TRIM44: variants seen among roughly 807,000 people sequenced by gnomAD.
TRIM44 encodes tripartite motif-containing protein 44.
Under a neutral mutation model 37.4 loss-of-function variants are expected in TRIM44, and 13 were observed. The observed-to-expected ratio is 0.35, with a 90% CI of 0.23 to 0.55. The LOEUF (loss-of-function observed/expected upper bound fraction) is 0.55. Among genes scored for constraint, TRIM44 ranks in the 20% least tolerant of loss-of-function variants. The pLI is 0.89. For synonymous variants in TRIM44, 175 were observed against 157.2 expected (o/e 1.11, Z -0.85); for missense variants, 426 against 437.2 (o/e 0.97, Z 0.23).
intron 4 of TRIM44, among the ~76,000 whole-genome samples, chr11:35,768,310 G>A (rs1392633208): frequency 6.6e-6 from 1 of 152,202 alleles, no homozygotes; most frequent in East Asian, 1.9e-4. Flanking sequence ...GCTGTACAAG[G>A]TAGGTGGGAT....
chr11:35,747,024 C>T (rs1852500807), intron 4 of TRIM44, among the ~76,000 whole-genome samples: 1 of 152,104 alleles, frequency 6.6e-6, no homozygotes, highest in South Asian at 2.1e-4. Flanking sequence ...AAAAACAGTG[C>T]AAAGAGGGAG....
chr11:35,726,676 G>T (rs1379298457), intron 3 of TRIM44, among the ~76,000 whole-genome samples: 1 of 62,786 alleles, frequency 1.6e-5, no homozygotes, highest in Non-Finnish European at 2.7e-5. Flanking sequence ...CTAGGGCATT[G>T]TAAGATTAAA....
At chr11:35,684,539 A>G (rs1851552613) in intron 1 of TRIM44, among the ~76,000 whole-genome samples, 1 of 152,228 alleles carries the variant, frequency 6.6e-6, no homozygotes, top group African/African-American at 2.4e-5. Flanking sequence ...TAGGCCCCAA[A>G]ATAGCCCAGT....
intron 2 of TRIM44, among the ~76,000 whole-genome samples, chr11:35,701,883 A>G (rs897605223): frequency 2.0e-5 from 3 of 152,200 alleles, no homozygotes; most frequent in African/African-American, 7.2e-5. Flanking sequence ...CTGACTGGTA[A>G]GTAGTTCTTA....
chr11:35,795,834 G>T (rs1452872017), intron 4 of TRIM44, among the ~76,000 whole-genome samples: 1 of 152,120 alleles, frequency 6.6e-6, no homozygotes, highest in Non-Finnish European at 1.5e-5. Flanking sequence ...CTTAGTCTTG[G>T]TTTCTTCATA....
intron 2 of TRIM44, among the ~76,000 whole-genome samples, chr11:35,715,584 A>T (rs1336173493): frequency 6.6e-6 from 1 of 152,108 alleles, no homozygotes; most frequent in Non-Finnish European, 1.5e-5. Context: ...ACCAAAATTT[A>T]TAGTCTTATG....
chr11:35,675,725 T>C (rs1227487620), intron 1 of TRIM44, among the ~76,000 whole-genome samples: 1 of 152,134 alleles, frequency 6.6e-6, no homozygotes, highest in Non-Finnish European at 1.5e-5. Context: ...TTTCACTATT[T>C]TGGCCAGGAT....
At chr11:35,741,429 T>G (rs1290128258) in intron 4 of TRIM44, among the ~76,000 whole-genome samples, 1 of 152,196 alleles carries the variant, frequency 6.6e-6, no homozygotes, top group East Asian at 1.9e-4. Context: ...TGCATGTTAG[T>G]ATATTAACCA....
chr11:35,811,619 C>A lies in TRIM44; in HGVS notation c.*5234C>A, dbSNP rs1475517254. 1 of 152,076 alleles carries A rather than the reference C, an allele frequency of 6.6e-6. No individual in the cohort carries two copies. The highest frequency in any genetic ancestry group is 2.1e-4 in the South Asian group (1 of 4,818). The allele number at this position is 152,076 out of a possible 1,614,324, so 9.4% of individuals were successfully genotyped here. Reference sequence around the variant, plus strand: ...AAATCAGAAGTCATATACTCAGAGGCCTTCAGGAGCCAAATGTGAAGACTC... The same window carrying A: ...AAATCAGAAGTCATATACTCAGAGGACTTCAGGAGCCAAATGTGAAGACTC... On this transcript the variant is annotated 3_prime_UTR_variant, in exon 5 of 5. Coordinates refer to ENST00000299413, the MANE Select transcript of TRIM44 (RefSeq NM_017583.6).
At chr11:35,741,309 A>G (rs1304171423) in intron 4 of TRIM44, among the ~76,000 whole-genome samples, 1 of 152,194 alleles carries the variant, frequency 6.6e-6, no homozygotes, top group Non-Finnish European at 1.5e-5. Context: ...AAGTCAGATG[A>G]AAGTTGAAGC....
In TRIM44 at chr11:35,812,105, C is replaced by G. The variant is rs1353913379; in HGVS notation, c.*5720C>G. 3 of 152,406 alleles carry G rather than the reference C, an allele frequency of 2.0e-5. No homozygotes were observed. Among genetic ancestry groups the G allele is most frequent in the African/African-American group, 4.8e-5 (2 of 41,576 alleles). 9.4% of individuals were successfully genotyped at this position (152,406 alleles called of 1,614,324 possible). On this transcript the variant is annotated 3_prime_UTR_variant, in exon 5 of 5. Transcript: ENST00000299413. ...TGGTGCCAGTATCTCAACACCACAT[C>G]CATTGCCCCAGCCCTTTCTTGTTTT... is the stretch of plus-strand genomic sequence containing the variant.
At chr11:35,712,071 T>C (rs1015320248) in intron 2 of TRIM44, among the ~76,000 whole-genome samples, 1 of 152,128 alleles carries the variant, frequency 6.6e-6, no homozygotes, top group East Asian at 1.9e-4. Flanking sequence ...TCCCTTGGTG[T>C]GTGGTTTGTT....
In TRIM44 at chr11:35,807,127, A is replaced by G. The variant is rs796194127; in HGVS notation, c.*742A>G. 1.3e-5 allele frequency: 2 copies of G among 152,358 alleles called. No homozygotes were observed. Among genetic ancestry groups the G allele is most frequent in the African/African-American group, 4.8e-5 (2 of 41,582 alleles). The allele number at this position is 152,358 out of a possible 1,614,324, so 9.4% of individuals were successfully genotyped here. A position where few individuals can be genotyped will look rare whatever the true frequency, so the allele number is the denominator to read the frequency against. ...TTGAAATCAGTATTTCTGAATTCAA[A>G]TTGCTTGAATTTCCAAAATAGTCAG... On this transcript the variant is annotated 3_prime_UTR_variant, in exon 5 of 5. Coordinates refer to ENST00000299413, the MANE Select transcript of TRIM44 (RefSeq NM_017583.6).
chr11:35,753,831 C>T (rs533140178), intron 4 of TRIM44, among the ~76,000 whole-genome samples: 1 of 151,746 alleles, frequency 6.6e-6, no homozygotes, highest in African/African-American at 2.4e-5. Flanking sequence ...TGGGTTCAAG[C>T]GATTCCCCTG....
intron 4 of TRIM44, among the ~76,000 whole-genome samples, chr11:35,806,052 A>T (rs1853443220): frequency 6.6e-6 from 1 of 152,186 alleles, no homozygotes; most frequent in Non-Finnish European, 1.5e-5. Context: ...TATGACTCTC[A>T]CCTGCTCCTT....
At chr11:35,732,988 G>A (rs909803467) in intron 3 of TRIM44, among the ~76,000 whole-genome samples, 26 of 152,004 alleles carry the variant, frequency 1.7e-4, no homozygotes, top group African/African-American at 3.1e-4. Flanking sequence ...GTCCTTCCCC[G>A]CTCTCCCCTA....
chr11:35,689,779 G>A (rs918342148), intron 2 of TRIM44, among the ~76,000 whole-genome samples: 4 of 152,146 alleles, frequency 2.6e-5, no homozygotes, highest in African/African-American at 9.7e-5. Context: ...TGGAAAACAC[G>A]TTGATTCCCT....
At chr11:35,714,456 C>T (rs1852014641) in intron 2 of TRIM44, among the ~76,000 whole-genome samples, 1 of 152,134 alleles carries the variant, frequency 6.6e-6, no homozygotes, top group Non-Finnish European at 1.5e-5. Context: ...TATCAAAGTC[C>T]ATATGCTGTA....
intron 2 of TRIM44, among the ~76,000 whole-genome samples, chr11:35,689,434 T>C (rs994036516): frequency 1.2e-4 from 19 of 152,230 alleles, no homozygotes; most frequent in African/African-American, 4.3e-4. Flanking sequence ...AAACAATCTT[T>C]AGTTTGTCAA....
Sources: allele counts gnomAD v4.1 joint callset (sites outside exome capture counted in the v4.1 genomes callset), GRCh38; gene constraint gnomAD v4.1.1; transcripts MANE v1.5; gene names NCBI Gene and HGNC (gene_info 2026-07-23, HGNC 2026-07-21).